MRAP2: variants seen among roughly 807,000 people sequenced by gnomAD.
MRAP2 encodes the protein melanocortin-2 receptor accessory protein 2.
In MRAP2, 20 loss-of-function variants were observed where a neutral mutation model predicts 17.4. That is an observed-to-expected ratio of 1.15 (90% CI 0.81 to 1.67). MRAP2 has a LOEUF of 1.67. MRAP2 is among the 40% of genes most tolerant of loss of function. The probability of loss-of-function intolerance (pLI) is 0.00; values close to 1 mark genes in which losing one functional copy is unlikely to be tolerated. For missense variants in MRAP2, 238 were observed against 240.0 expected, an observed-to-expected ratio of 0.99 and a Z score of 0.05; for synonymous variants, 96 against 88.4, an observed-to-expected ratio of 1.09 and a Z score of -0.48.
chr6:84,061,919 A>G, intron 2 of MRAP2: 6 of 985,440 alleles, frequency 6.1e-6, no homozygotes, highest in Non-Finnish European at 7.2e-6. Flanking sequence ...CTTTTCATGA[A>G]AGAGCAATAT....
chr6:84,077,618 A>G (rs1418725570), intron 3 of MRAP2, among the ~76,000 whole-genome samples: 1 of 152,236 alleles, frequency 6.6e-6, no homozygotes, highest in Non-Finnish European at 1.5e-5. Context: ...GGTCTGGAAC[A>G]TTCTTGGTTA....
chr6:84,116,352 A>T, the MRAP2 span, among the ~76,000 whole-genome samples: 4 of 152,078 alleles, frequency 2.6e-5, no homozygotes, highest in Non-Finnish European at 5.9e-5. Context: ...ATGAGATCTG[A>T]TGGTTTTATA....
the MRAP2 span, among the ~76,000 whole-genome samples, chr6:84,121,069 AT>A: frequency 6.9e-3 from 994 of 144,810 alleles, 12 homozygotes; most frequent in African/African-American, 0.026. Flanking sequence ...TTACCTTTTT[AT>A]TTTTTAATTT....
intron 1 of MRAP2, among the ~76,000 whole-genome samples, chr6:84,041,014 A>G (rs898609595): frequency 5.9e-5 from 9 of 152,186 alleles, no homozygotes; most frequent in African/African-American, 2.2e-4. Context: ...CCTCCCACCC[A>G]TGGCCTGGAG....
chr6:84,062,999 T>C lies in MRAP2; in HGVS notation c.227+7T>C. The C allele has an allele frequency of 6.2e-7, 1 of 1,614,082 alleles. No individual in the cohort carries two copies. The highest frequency in any genetic ancestry group is 8.5e-7 in the Non-Finnish European group (1 of 1,179,990). ...CAGGAGCCCCACACCAAGAGTAAGT[T>C]TGGGCTGTTCCTAAATGTCTCTTAA... On this transcript the variant is annotated splice_region_variant and intron_variant, in intron 3 of 3. Coordinates refer to ENST00000257776, the MANE Select transcript of MRAP2 (RefSeq NM_138409.4).
the MRAP2 span, among the ~76,000 whole-genome samples, chr6:84,097,790 A>T: frequency 3.9e-4 from 60 of 152,206 alleles, no homozygotes; most frequent in African/African-American, 1.3e-3. Flanking sequence ...ATTTTTTATT[A>T]TTTGGCAGAC....
the MRAP2 span, among the ~76,000 whole-genome samples, chr6:84,141,385 C>G: frequency 6.6e-6 from 1 of 152,024 alleles, no homozygotes; most frequent in East Asian, 1.9e-4. Context: ...AAAAGTCAGA[C>G]TAGACTTAAG....
At chr6:84,137,046 T>A in the MRAP2 span, among the ~76,000 whole-genome samples, 1 of 152,218 alleles carries the variant, frequency 6.6e-6, no homozygotes, top group Non-Finnish European at 1.5e-5. Flanking sequence ...GTATAAGAGA[T>A]ATCGGTTCTT....
At chr6:84,035,585 A>T (rs1396737798) in intron 1 of MRAP2, 1 of 229,956 alleles carries the variant, frequency 4.3e-6, no homozygotes, top group Non-Finnish European at 7.1e-6. Context: ...GAGCAAGGGA[A>T]AGTACTGTTT....
intron 1 of MRAP2, chr6:84,052,988 G>A (rs1469020517): frequency 1.2e-5 from 2 of 164,570 alleles, no homozygotes; most frequent in African/African-American, 4.8e-5. Flanking sequence ...TAGGGTGGGT[G>A]GTTGATATTC....
intron 1 of MRAP2, among the ~76,000 whole-genome samples, chr6:84,052,267 G>C (rs1434174472): frequency 6.6e-6 from 1 of 152,184 alleles, no homozygotes; most frequent in Non-Finnish European, 1.5e-5. Context: ...GTTCAAGAGA[G>C]AGCAGCTGCC....
At chr6:84,073,889 T>TGTG (rs370523969) in intron 3 of MRAP2, among the ~76,000 whole-genome samples, 849 of 72,206 alleles carry the variant, frequency 0.012, 5 homozygotes, top group African/African-American at 0.079. Flanking sequence ...TGTGTGTGTG[T>TGTG]TTTTTTTTTT....
rs566178194 is a variant in MRAP2, at chr6:84,063,771, G to T, written c.227+779G>T. 5.3e-5 allele frequency among the ~76,000 whole-genome samples: 8 copies of T among 152,192 alleles called. No homozygotes were observed. The East Asian group carries it at 1.5e-3, about 29-fold the overall frequency. The stretch of plus-strand genomic sequence containing the variant: ...CAGTAATTAAAAGAGTTTTTGGCCG[G>T]TATGGTGGCTCACGCCTGTAATCCC... On this transcript the variant is annotated intron_variant, in intron 3 of 3. Coordinates refer to ENST00000257776, the MANE Select transcript of MRAP2 (RefSeq NM_138409.4).
the MRAP2 span, among the ~76,000 whole-genome samples, chr6:84,101,051 C>T: frequency 6.6e-6 from 1 of 152,048 alleles, no homozygotes; most frequent in African/African-American, 2.4e-5. Flanking sequence ...TCCAAATATC[C>T]AAACATACTC....
the MRAP2 span, among the ~76,000 whole-genome samples, chr6:84,098,963 T>C: frequency 1.3e-5 from 2 of 152,082 alleles, no homozygotes; most frequent in African/African-American, 4.8e-5. Context: ...TGAACTCTAA[T>C]CCATAATTTT....
At chr6:84,070,983 C>G (rs1305983150) in intron 3 of MRAP2, among the ~76,000 whole-genome samples, 2 of 152,168 alleles carry the variant, frequency 1.3e-5, no homozygotes, top group East Asian at 1.9e-4. Context: ...CTCCTGAAGA[C>G]AGCAGGTAGT....
the MRAP2 span, among the ~76,000 whole-genome samples, chr6:84,111,435 T>C: frequency 6.6e-6 from 1 of 152,236 alleles, no homozygotes; most frequent in Non-Finnish European, 1.5e-5. Flanking sequence ...GGAATGCTTG[T>C]GATTCTGCAC....
chr6:84,074,668 C>G (rs1187634983), intron 3 of MRAP2, among the ~76,000 whole-genome samples: 1 of 152,218 alleles, frequency 6.6e-6, no homozygotes, highest in East Asian at 1.9e-4. Flanking sequence ...CAATGGACTG[C>G]ATCATCTTCC....
chr6:84,086,103 C>G (rs1214058522), intron 3 of MRAP2, among the ~76,000 whole-genome samples: 2 of 152,176 alleles, frequency 1.3e-5, no homozygotes, highest in African/African-American at 4.8e-5. Flanking sequence ...ATAACAAATA[C>G]TGAGAGGTTC....
Sources: gnomAD v4.1 joint callset for allele counts (sites outside exome capture counted in the v4.1 genomes callset) on GRCh38, gnomAD v4.1.1 for gene constraint, MANE v1.5 for transcripts, NCBI Gene and HGNC (gene_info 2026-07-23, HGNC 2026-07-21) for gene names.